KCNN2: variants seen among roughly 807,000 people sequenced by gnomAD.
The protein encoded by KCNN2 is potassium calcium-activated channel subfamily N member 2, also known as small conductance calcium-activated potassium channel protein 2.
In KCNN2, 24 loss-of-function variants were observed where a neutral mutation model predicts 55.5. That is an observed-to-expected ratio of 0.43 (90% CI 0.31 to 0.61). The LOEUF (loss-of-function observed/expected upper bound fraction) is 0.61, where lower values mean the gene tolerates loss of function less well. Among genes scored for constraint, KCNN2 ranks in the 20% least tolerant of loss-of-function variants. The pLI, the probability that KCNN2 is intolerant of heterozygous loss-of-function variation, is 0.08. For missense variants in KCNN2, 754 were observed against 853.6 expected, an observed-to-expected ratio of 0.88 and a Z score of 1.45; for synonymous variants, 431 against 336.1, an observed-to-expected ratio of 1.28 and a Z score of -3.09.
intron 2 of KCNN2, among the ~76,000 whole-genome samples, chr5:114,403,300 A>G (rs1415058189): frequency 6.6e-6 from 1 of 152,214 alleles, no homozygotes; most frequent in African/African-American, 2.4e-5. Context: ...TAAATAAAGT[A>G]GACAATCAAG....
At chr5:114,466,390 AC>A (rs1272399359) in intron 4 of KCNN2, among the ~76,000 whole-genome samples, 1 of 152,086 alleles carries the variant, frequency 6.6e-6, no homozygotes. Flanking sequence ...TTTGGACAGC[AC>A]CAGCTAGTTT....
In KCNN2 at chr5:114,283,458, A is replaced by G. The variant is rs558679031; in HGVS notation, c.-185+61893A>G. On this transcript the variant is annotated intron_variant, in intron 2 of 10. Coordinates refer to the KCNN2 transcript ENST00000512097. ...TAATCTTAAATTCAGCTTATATTTC[A>G]TTGGTTGTAATAACTATAACTGCAG... Among the ~76,000 whole-genome samples, 386 of 152,116 alleles carry G rather than the reference A, an allele frequency of 2.5e-3. 3 individuals are homozygous for G. The highest frequency in any genetic ancestry group is 9.0e-3 in the African/African-American group (372 of 41,510).
At chr5:114,433,068 C>T (rs1030567296) in intron 3 of KCNN2, among the ~76,000 whole-genome samples, 15 of 152,194 alleles carry the variant, frequency 9.9e-5, no homozygotes, top group Non-Finnish European at 1.3e-4. Flanking sequence ...GTAGTGCGGG[C>T]GCACAGCACG....
intron 2 of KCNN2, among the ~76,000 whole-genome samples, chr5:114,288,292 G>A (rs894721083): frequency 4.6e-5 from 7 of 152,110 alleles, no homozygotes; most frequent in Non-Finnish European, 7.4e-5. Flanking sequence ...TTGTAAACAA[G>A]TGTTTACATG....
chr5:114,078,102 A>G (rs1252476820), intron 1 of KCNN2, among the ~76,000 whole-genome samples: 1 of 152,208 alleles, frequency 6.6e-6, no homozygotes, highest in Non-Finnish European at 1.5e-5. Flanking sequence ...TGTAGTGCAG[A>G]AAAATCAGGG....
chr5:114,195,975 G>C (rs994839106), intron 1 of KCNN2, among the ~76,000 whole-genome samples: 7 of 151,964 alleles, frequency 4.6e-5, no homozygotes, highest in Non-Finnish European at 8.8e-5. Context: ...TTGATATGGT[G>C]TGAGAGAGGT....
chr5:114,361,557 C>G (rs1757422260), upstream of KCNN2, among the ~76,000 whole-genome samples: 1 of 152,186 alleles, frequency 6.6e-6, no homozygotes, highest in Admixed American at 6.5e-5. Context: ...CTGGGAGAAG[C>G]GGGCGTGGGA....
intron 2 of KCNN2, among the ~76,000 whole-genome samples, chr5:114,252,359 T>C (rs1754883017): frequency 6.6e-6 from 1 of 152,150 alleles, no homozygotes; most frequent in Non-Finnish European, 1.5e-5. Context: ...AGATAGAGCC[T>C]TGAGATGACA....
chr5:114,477,993 C>T (rs1762048600), intron 5 of KCNN2, among the ~76,000 whole-genome samples: 1 of 152,126 alleles, frequency 6.6e-6, no homozygotes, highest in African/African-American at 2.4e-5. Context: ...TGGCTCACAG[C>T]CCAGGGGGTT....
At chr5:114,270,195 T>C (rs1755298933) in intron 2 of KCNN2, among the ~76,000 whole-genome samples, 3 of 152,204 alleles carry the variant, frequency 2.0e-5, no homozygotes, top group African/African-American at 7.2e-5. Context: ...TATGAGCTCT[T>C]ATTCAAATTG....
chr5:114,122,022 C>T (rs993756434), intron 1 of KCNN2, among the ~76,000 whole-genome samples: 1 of 152,200 alleles, frequency 6.6e-6, no homozygotes, highest in Non-Finnish European at 1.5e-5. Flanking sequence ...TTATCATTTA[C>T]ATTTTTGTGC....
intron 1 of KCNN2, among the ~76,000 whole-genome samples, chr5:114,139,220 A>C (rs1752226835): frequency 6.6e-6 from 1 of 152,078 alleles, no homozygotes; most frequent in Non-Finnish European, 1.5e-5. Flanking sequence ...ATTTTTGAAG[A>C]AGACATGTGG....
At chr5:114,305,535 C>G (rs1756251571) in intron 2 of KCNN2, among the ~76,000 whole-genome samples, 1 of 152,128 alleles carries the variant, frequency 6.6e-6, no homozygotes, top group Non-Finnish European at 1.5e-5. Flanking sequence ...TAGCACAGAG[C>G]CTGAGGATCT....
At chr5:114,479,097 G>A (rs900396119) in intron 5 of KCNN2, among the ~76,000 whole-genome samples, 4 of 151,980 alleles carry the variant, frequency 2.6e-5, no homozygotes, top group African/African-American at 9.7e-5. Context: ...AAAAGACACA[G>A]AATGGCAAGC....
intron 1 of KCNN2, among the ~76,000 whole-genome samples, chr5:114,219,475 C>A (rs941014269): frequency 6.6e-6 from 1 of 152,078 alleles, no homozygotes; most frequent in Admixed American, 6.6e-5. Flanking sequence ...GTAGGTAATC[C>A]TCACCTGAAG....
At chr5:114,320,841 C>G (rs1319142288) in intron 2 of KCNN2, among the ~76,000 whole-genome samples, 4 of 152,122 alleles carry the variant, frequency 2.6e-5, no homozygotes, top group Non-Finnish European at 5.9e-5. Flanking sequence ...TTGATGCTAT[C>G]TTTTTCAGTT....
At chr5:114,376,964 C>T (rs1405588735) in intron 2 of KCNN2, among the ~76,000 whole-genome samples, 1 of 152,124 alleles carries the variant, frequency 6.6e-6, no homozygotes, top group African/African-American at 2.4e-5. Context: ...CGTGGTGGTG[C>T]ATGCCTGTAG....
intron 5 of KCNN2, among the ~76,000 whole-genome samples, chr5:114,476,274 T>TATACACCATGGAATACTATG (rs1761962416): frequency 6.8e-6 from 1 of 147,636 alleles, no homozygotes; most frequent in African/African-American, 2.5e-5. Flanking sequence ...ATGTGGCACA[T>TATACACCATGGAATACTATG]ATACACCATG....
At chr5:114,175,516 T>TA (rs1753116853) in intron 1 of KCNN2, among the ~76,000 whole-genome samples, 1 of 152,134 alleles carries the variant, frequency 6.6e-6, no homozygotes. Flanking sequence ...CTTTTGTTGA[T>TA]ATACTCAAAG....
Sources: allele counts gnomAD v4.1 joint callset (sites outside exome capture counted in the v4.1 genomes callset), GRCh38; gene constraint gnomAD v4.1.1; transcripts MANE v1.5; gene names NCBI Gene and HGNC (gene_info 2026-07-23, HGNC 2026-07-21).